The following SLCO2A1 variants were observed in gnomAD, a reference collection of about 807,000 sequenced individuals.
SLCO2A1 encodes the protein matrin F/G 1.
In SLCO2A1, 60 loss-of-function variants were observed where a neutral mutation model predicts 71.7. That is an observed-to-expected ratio of 0.84 (90% CI 0.68 to 1.04). The LOEUF (loss-of-function observed/expected upper bound fraction) is 1.04, where lower values mean the gene tolerates loss of function less well. SLCO2A1 is among the 50% of genes least tolerant of loss of function. The pLI is 0.00. For synonymous variants in SLCO2A1, 308 were observed against 326.7 expected, an observed-to-expected ratio of 0.94 and a Z score of 0.62; for missense variants, 745 against 813.4, an observed-to-expected ratio of 0.92 and a Z score of 1.02.
At chr3:133,957,794 C>T (rs1225731360) in intron 3 of SLCO2A1, among the ~76,000 whole-genome samples, 2 of 152,172 alleles carry the variant, frequency 1.3e-5, no homozygotes, top group African/African-American at 4.8e-5. Flanking sequence ...TTGGTTTTAT[C>T]CCTATGTATT....
chr3:133,938,102 C>G (rs1224836389), intron 12 of SLCO2A1, among the ~76,000 whole-genome samples: 2 of 152,234 alleles, frequency 1.3e-5, no homozygotes, highest in Non-Finnish European at 2.9e-5. Flanking sequence ...GGCAGGAATG[C>G]AAAGTTTTGT....
intron 1 of SLCO2A1, among the ~76,000 whole-genome samples, chr3:133,983,680 T>A (rs1934644143): frequency 6.6e-6 from 1 of 152,160 alleles, no homozygotes; most frequent in Non-Finnish European, 1.5e-5. Flanking sequence ...AGCATGGAGA[T>A]CAGTTGTGTG....
rs1475807942 is a variant in SLCO2A1, at chr3:134,014,619, C to G, written c.96+15088G>C. Among the ~76,000 whole-genome samples, 8 of 152,314 alleles carry G rather than the reference C, an allele frequency of 5.3e-5. No individual in the cohort carries two copies. The East Asian group carries it at 1.2e-3, about 22-fold the overall frequency. On this transcript the variant is annotated intron_variant, in intron 1 of 13. Transcript: ENST00000310926. The stretch of plus-strand genomic sequence containing the variant: ...ACCTAACTGGCCCTGCTCCTAGTCT[C>G]ATCTCAATCAGCAACTTAACATCAT...
In SLCO2A1 at chr3:133,968,226, C is replaced by T. The variant is rs781483477; in HGVS notation, c.397+5437G>A. 2.6e-5 allele frequency among the ~76,000 whole-genome samples: 4 copies of T among 151,320 alleles called. No individual in the cohort carries two copies. The South Asian group carries it at 8.4e-4, about 32-fold the overall frequency. On this transcript the variant is annotated intron_variant, in intron 3 of 13. Transcript: ENST00000310926. ...ACCTCCCCTCCGCACCCACACACCT[C>T]CTCACCTACTTAGCTTCCTACTCAT...
intron 10 of SLCO2A1, among the ~76,000 whole-genome samples, chr3:133,943,594 C>G (rs948391003): frequency 3.9e-5 from 6 of 152,048 alleles, no homozygotes; most frequent in Admixed American, 1.3e-4. Context: ...GATTTTTTTT[C>G]TTTATAATTT....
intron 11 of SLCO2A1, among the ~76,000 whole-genome samples, chr3:133,938,891 AG>A (rs887104102): frequency 6.6e-6 from 1 of 151,972 alleles, no homozygotes; most frequent in Non-Finnish European, 1.5e-5. Context: ...AGAGGCTAGG[AG>A]TGGAGAGAAG....
intron 5 of SLCO2A1, 38 bp from the exon 6 acceptor site, chr3:133,951,382 G>A (rs1933742386): frequency 6.2e-7 from 1 of 1,609,766 alleles, no homozygotes; most frequent in Non-Finnish European, 8.5e-7. Flanking sequence ...TTTGTTGAAT[G>A]CATGATCTCA....
chr3:133,991,604 G>GATATAAAA (rs1420233410), intron 1 of SLCO2A1, among the ~76,000 whole-genome samples: 4 of 152,184 alleles, frequency 2.6e-5, no homozygotes, highest in Non-Finnish European at 4.4e-5. Flanking sequence ...GGTCCTGTGG[G>GATATAAAA]TCACTGGAGA....
intron 10 of SLCO2A1, among the ~76,000 whole-genome samples, chr3:133,943,388 G>A (rs1244459813): frequency 6.6e-6 from 1 of 152,152 alleles, no homozygotes; most frequent in Non-Finnish European, 1.5e-5. Context: ...TTCCTTCGCT[G>A]CCCTTGTCAG....
rs149647568 is a variant in SLCO2A1 at position 133,983,118 on chromosome 3, T to C, written c.97-3500A>G. ...CTGAATATGGGCCAATCTTAGCTCC[T>C]TGCTTCTAATGAAGAGAAGTGACGC... is the stretch of plus-strand genomic sequence containing the variant. On this transcript the variant is annotated intron_variant, in intron 1 of 13. Transcript: ENST00000310926. Among the ~76,000 whole-genome samples, 869 of 152,292 alleles carry C rather than the reference T, an allele frequency of 5.7e-3. 9 individuals carry two copies. Among genetic ancestry groups the C allele is most frequent in the African/African-American group, 0.019 (781 of 41,560 alleles).
intron 3 of SLCO2A1, among the ~76,000 whole-genome samples, chr3:133,964,653 TTC>T (rs1465984137): frequency 7.9e-5 from 12 of 152,228 alleles, no homozygotes; most frequent in Non-Finnish European, 1.6e-4. Context: ...ACTGCTCTGC[TTC>T]TCTCTCAAGA....
At position 133,935,926 on chromosome 3, in the gene SLCO2A1, A is replaced by G. The variant is rs993402901; in HGVS notation, c.1691-29T>C. The stretch of plus-strand genomic sequence containing the variant: ...GAAGAGGGTTCAGAAAGCCCTGGTC[A>G]GGTGGAACTGCAGGCAGAGGTGTCC... On this transcript the variant is annotated intron_variant, in intron 12 of 13. Transcript: ENST00000310926. 9 of 1,549,204 alleles carry G rather than the reference A, an allele frequency of 5.8e-6. No individual in the cohort carries two copies. The Admixed American group carries it at 1.3e-4, about 22-fold the overall frequency.
At chr3:134,027,261 A>T (rs760915946) in intron 1 of SLCO2A1, among the ~76,000 whole-genome samples, 2 of 152,234 alleles carry the variant, frequency 1.3e-5, no homozygotes, top group Non-Finnish European at 2.9e-5. Flanking sequence ...ACTAAAAGGC[A>T]GAAATGAAAT....
intron 1 of SLCO2A1, among the ~76,000 whole-genome samples, chr3:133,989,631 G>A (rs772364282): frequency 9.2e-5 from 14 of 152,118 alleles, no homozygotes; most frequent in Admixed American, 3.9e-4. Flanking sequence ...ATATCAAGTA[G>A]TGTGGAAGGG....
At chr3:133,939,962 CTTTTTT>C (rs752743899) in intron 11 of SLCO2A1, among the ~76,000 whole-genome samples, 1 of 106,354 alleles carries the variant, frequency 9.4e-6, no homozygotes, top group Non-Finnish European at 1.9e-5. Context: ...ACAAAGTCAT[CTTTTTT>C]TTTTTTTTTT....
At chr3:134,002,072 CTACAG>C (rs1935114445) in intron 1 of SLCO2A1, among the ~76,000 whole-genome samples, 1 of 152,224 alleles carries the variant, frequency 6.6e-6, no homozygotes, top group African/African-American at 2.4e-5. Context: ...CCTTGCTTAC[CTACAG>C]TATTTAACTT....
At chr3:134,013,051 T>G (rs1303020186) in intron 1 of SLCO2A1, among the ~76,000 whole-genome samples, 5 of 152,178 alleles carry the variant, frequency 3.3e-5, no homozygotes, top group Non-Finnish European at 7.3e-5. Flanking sequence ...GGCAATTTTT[T>G]CTTGGAAACT....
intron 1 of SLCO2A1, among the ~76,000 whole-genome samples, chr3:133,980,439 G>A (rs1456433023): frequency 6.6e-6 from 1 of 152,230 alleles, no homozygotes; most frequent in Non-Finnish European, 1.5e-5. Context: ...AGGGTTTCAT[G>A]ATGTCCCTAG....
chr3:133,958,831 TAAAC>T (rs1393269279), intron 3 of SLCO2A1, among the ~76,000 whole-genome samples: 1 of 152,174 alleles, frequency 6.6e-6, no homozygotes, highest in East Asian at 1.9e-4. Flanking sequence ...TATGGAGAAA[TAAAC>T]AAAGTCTGAG....
Sources: allele counts gnomAD v4.1 joint callset (sites outside exome capture counted in the v4.1 genomes callset), GRCh38; gene constraint gnomAD v4.1.1; transcripts MANE v1.5; gene names NCBI Gene and HGNC (gene_info 2026-07-23, HGNC 2026-07-21).